The following EML6 variants were observed in gnomAD, a reference collection of about 807,000 sequenced individuals.
EML6 encodes the protein echinoderm microtubule-associated protein-like 6.
EML6 carries 154 observed loss-of-function variants against 240.1 expected under a neutral mutation model. The ratio of observed to expected loss-of-function variants is 0.64; its 90% CI spans 0.56 to 0.73. The LOEUF is 0.73. Among genes scored for constraint, EML6 ranks in the 30% least tolerant of loss-of-function variants. The pLI is 0.00. For synonymous variants in EML6, 1,148 were observed against 899.0 expected, an observed-to-expected ratio of 1.28 and a Z score of -4.95; for missense variants, 2,964 against 2,474.6, an observed-to-expected ratio of 1.20 and a Z score of -4.20.
chr2:54,929,169 C>A (rs1021828083), intron 28 of EML6, among the ~76,000 whole-genome samples: 5 of 152,240 alleles, frequency 3.3e-5, no homozygotes, highest in Admixed American at 2.0e-4. Context: ...ATCTTCCATT[C>A]TAACCAGAAT....
intron 2 of EML6, among the ~76,000 whole-genome samples, chr2:54,797,024 G>A (rs1669822566): frequency 6.6e-6 from 1 of 151,894 alleles, no homozygotes; most frequent in East Asian, 1.9e-4. Flanking sequence ...AATTAGCGGG[G>A]CCTAGTGGTA....
intron 2 of EML6, among the ~76,000 whole-genome samples, chr2:54,788,779 A>G (rs77113548): frequency 6.6e-6 from 1 of 152,204 alleles, no homozygotes; most frequent in Non-Finnish European, 1.5e-5. Context: ...TTCAGAACAT[A>G]TATTTTAGGA....
intron 10 of EML6, among the ~76,000 whole-genome samples, chr2:54,850,936 G>C (rs1181330293): frequency 1.3e-5 from 2 of 152,190 alleles, no homozygotes; most frequent in African/African-American, 4.8e-5. Flanking sequence ...GCAAACAAAA[G>C]AAAGTTGTGG....
At chr2:54,852,848 G>A (rs755267730) in intron 10 of EML6, among the ~76,000 whole-genome samples, 2 of 152,180 alleles carry the variant, frequency 1.3e-5, no homozygotes, top group Non-Finnish European at 2.9e-5. Flanking sequence ...AAAATTGTGT[G>A]TGGTTAAACA....
chr2:54,736,512 A>G (rs1195872259), intron 2 of EML6, among the ~76,000 whole-genome samples: 2 of 152,198 alleles, frequency 1.3e-5, no homozygotes, highest in Admixed American at 6.5e-5. Flanking sequence ...AGTTAAAGTC[A>G]TGAGGTTCTT....
chr2:54,777,857 T>G (rs1245283522), intron 2 of EML6, among the ~76,000 whole-genome samples: 1 of 152,232 alleles, frequency 6.6e-6, no homozygotes, highest in Non-Finnish European at 1.5e-5. Context: ...ATGATTTATT[T>G]ATAGCAAATT....
At chr2:54,784,049 T>C (rs1668968032) in intron 2 of EML6, among the ~76,000 whole-genome samples, 1 of 152,064 alleles carries the variant, frequency 6.6e-6, no homozygotes, top group African/African-American at 2.4e-5. Context: ...AGGGCTCAAG[T>C]GAATATCCTG....
At chr2:54,926,148 C>T (rs566600404) in intron 26 of EML6, among the ~76,000 whole-genome samples, 1 of 152,304 alleles carries the variant, frequency 6.6e-6, no homozygotes, top group East Asian at 1.9e-4. Context: ...GTTGCCAAGG[C>T]TGTAGTGCAG....
intron 22 of EML6, among the ~76,000 whole-genome samples, chr2:54,902,517 G>A (rs568261294): frequency 3.9e-5 from 6 of 152,114 alleles, no homozygotes; most frequent in Non-Finnish European, 8.8e-5. Flanking sequence ...CTTCCACCTT[G>A]CCTCCTGAGT....
rs56324677 is a variant in EML6 at position 54,744,905 on chromosome 2, TACACACACACACACACACAC to T, written c.197+19686_197+19705del. Among the ~76,000 whole-genome samples, 327 of 107,306 alleles carry T rather than the reference TACACACACACACACACACAC, an allele frequency of 3.0e-3. 2 individuals are homozygous for T. Among genetic ancestry groups the T allele is most frequent in the South Asian group, 0.01 (26 of 2,526 alleles). 70.4% of individuals were successfully genotyped at this position (107,306 alleles called of 152,430 possible). On this transcript the variant is annotated intron_variant, in intron 2 of 41. Coordinates refer to ENST00000356458, the MANE Select transcript of EML6 (RefSeq NM_001039753.4). The stretch of plus-strand genomic sequence containing the variant: ...ATGTGTATAACACAACACACACACG[TACACACACACACACACACAC>T]ACACACACACACACACACACACACA...
intron 26 of EML6, among the ~76,000 whole-genome samples, chr2:54,918,586 A>T (rs1004849555): frequency 6.6e-6 from 1 of 152,142 alleles, no homozygotes; most frequent in African/African-American, 2.4e-5. Flanking sequence ...GACTCAAACA[A>T]TCCTCCCACC....
chr2:54,818,394 G>A (rs935384128), intron 4 of EML6, among the ~76,000 whole-genome samples: 2 of 152,192 alleles, frequency 1.3e-5, no homozygotes, highest in East Asian at 3.8e-4. Flanking sequence ...GTAACAAATA[G>A]CTGAGTGGCA....
In EML6 at chr2:54,724,123, C is replaced by CT. The variant is rs1334287151; in HGVS notation, c.-514+347dup. Among the ~76,000 whole-genome samples, 1 of 152,176 alleles carries CT rather than the reference C, an allele frequency of 6.6e-6. No homozygotes were observed. The highest frequency in any genetic ancestry group is 1.9e-4 in the East Asian group (1 of 5,176). On this transcript the variant is annotated intron_variant, in intron 1 of 41. Coordinates refer to ENST00000356458, the MANE Select transcript of EML6 (RefSeq NM_001039753.4). The surrounding 1 kb of genome is among the most constrained non-coding windows in gnomAD (Gnocchi z 5.2). ...TTTGTAGGTAGCGCACTCCCTCCGA[C>CT]TGCACTAGTGCCTCGTTTCTTCCGA...
intron 28 of EML6, among the ~76,000 whole-genome samples, chr2:54,940,024 G>A (rs572901667): frequency 6.6e-6 from 1 of 152,340 alleles, no homozygotes; most frequent in Admixed American, 6.5e-5. Context: ...TATATTCACT[G>A]TCAATCTATG....
At chr2:54,869,119 C>T in intron 14 of EML6, 62 bp from the exon 15 acceptor site, 1 of 1,175,484 alleles carries the variant, frequency 8.5e-7, no homozygotes, top group Non-Finnish European at 1.2e-6. Flanking sequence ...CCTCTGACAC[C>T]TCCTGCTCCA....
chr2:54,868,070 A>C (rs759783738), intron 14 of EML6: 1 of 152,208 alleles, frequency 6.6e-6, no homozygotes, highest in African/African-American at 2.4e-5. Flanking sequence ...AAGACTTACT[A>C]TGAAAAGAGG....
intron 7 of EML6, among the ~76,000 whole-genome samples, chr2:54,843,661 G>C (rs373788764): frequency 3.3e-5 from 5 of 151,912 alleles, no homozygotes; most frequent in South Asian, 2.1e-4. Flanking sequence ...TGGCTAACAC[G>C]GTGAAACCCC....
At chr2:54,875,227 C>G (rs752111708) in intron 16 of EML6, among the ~76,000 whole-genome samples, 1 of 152,126 alleles carries the variant, frequency 6.6e-6, no homozygotes. Flanking sequence ...CTAAAACAGC[C>G]CAGAAACACA....
intron 2 of EML6, among the ~76,000 whole-genome samples, chr2:54,740,372 C>G (rs142702519): frequency 1.3e-5 from 2 of 152,052 alleles, no homozygotes; most frequent in Non-Finnish European, 2.9e-5. Context: ...AAACCAAGAA[C>G]AGAGAGAGTG....
Sources: allele counts gnomAD v4.1 joint callset (sites outside exome capture counted in the v4.1 genomes callset), GRCh38; gene constraint gnomAD v4.1.1; non-coding constraint Gnocchi (gnomAD v3.1); transcripts MANE v1.5; gene names NCBI Gene and HGNC (gene_info 2026-07-23, HGNC 2026-07-21).